Variants in ZNF544 observed in about 807,000 individuals in gnomAD.
The protein encoded by ZNF544 is zinc finger protein 544.
Under a neutral mutation model 13.5 loss-of-function variants are expected in ZNF544, and 10 were observed. The observed-to-expected ratio is 0.74, with a 90% CI of 0.46 to 1.25. The LOEUF is 1.25. Ranked by LOEUF, ZNF544 falls within the 50% of genes most tolerant of loss-of-function variation. ZNF544 has a pLI of 0.00. For missense variants in ZNF544, 896 were observed against 845.6 expected (o/e 1.06, Z -0.74); for synonymous variants, 323 against 300.5 (o/e 1.07, Z -0.77).
downstream of ZNF544, among the ~76,000 whole-genome samples, chr19:58,266,247 G>A (rs562166922): frequency 2.9e-3 from 422 of 146,534 alleles, 4 homozygotes; most frequent in African/African-American, 0.01. Context: ...GGCTGTGTGC[G>A]GTGGCTCACG....
intron 3 of ZNF544, among the ~76,000 whole-genome samples, chr19:58,234,224 A>G (rs568676027): frequency 1.4e-4 from 21 of 152,260 alleles, no homozygotes; most frequent in Non-Finnish European, 2.5e-4. Context: ...GCCTTTCTCT[A>G]TGCTCAGGTC....
At chr19:58,236,051 A>T (rs1477999674) in intron 3 of ZNF544, among the ~76,000 whole-genome samples, 2 of 147,926 alleles carry the variant, frequency 1.4e-5, no homozygotes, top group African/African-American at 5.0e-5. Context: ...CAAGAGTGAA[A>T]CTCTGTCTCA....
chr19:58,234,615 C>T (rs971041537), intron 3 of ZNF544, among the ~76,000 whole-genome samples: 4 of 152,222 alleles, frequency 2.6e-5, no homozygotes, highest in African/African-American at 4.8e-5. Context: ...TGTGTACCTG[C>T]GTGCAGCATT....
chr19:58,255,127 A>G (rs1194156687), intron 6 of ZNF544, among the ~76,000 whole-genome samples: 4 of 150,520 alleles, frequency 2.7e-5, no homozygotes, highest in African/African-American at 9.8e-5. Flanking sequence ...TGACCTCGTG[A>G]TCTACCCGCC....
At chr19:58,259,219 GGA>G (rs1309682710) in intron 6 of ZNF544, 4 of 152,218 alleles carry the variant, frequency 2.6e-5, no homozygotes, top group African/African-American at 9.6e-5. Context: ...AGTCTTTTCT[GGA>G]GAGTCTTCTA....
chr19:58,270,374 T>A (rs1226614975), intron 5 of ZNF544, among the ~76,000 whole-genome samples: 1 of 150,704 alleles, frequency 6.6e-6, no homozygotes, highest in East Asian at 2.0e-4. Flanking sequence ...CGATCTTGGC[T>A]CACTGTAACC....
chr19:58,247,796 G>A (rs1035611824), intron 6 of ZNF544, among the ~76,000 whole-genome samples: 15 of 152,090 alleles, frequency 9.9e-5, no homozygotes, highest in African/African-American at 1.4e-4. Flanking sequence ...GTAAGTTGAC[G>A]AGAAAGTGCA....
Position 58,263,082 on chromosome 19 carries a change from A to G in ZNF544, c.*328A>G. ...ATTCATACTGGAGAGAAGCCCTGTG[A>G]ATGTTAACAAATGTGGAAAAGCTTC... On this transcript the variant is annotated 3_prime_UTR_variant, in exon 7 of 7. Transcript: ENST00000687789. 9.4e-7 allele frequency: 1 copy of G among 1,065,232 alleles called. No individual in the cohort carries two copies. The allele number at this position is 1,065,232 out of a possible 1,614,324, so 66.0% of individuals were successfully genotyped here. A position where few individuals can be genotyped will look rare whatever the true frequency, so the allele number is the denominator to read the frequency against.
intron 5 of ZNF544, among the ~76,000 whole-genome samples, chr19:58,275,806 A>AAAG (rs1337518980): frequency 4.6e-5 from 6 of 131,282 alleles, no homozygotes; most frequent in African/African-American, 1.8e-4. Flanking sequence ...AAAAAAAGGA[A>AAAG]AGAGGAAATA....
chr19:58,262,423 G>C lies in ZNF544; in HGVS notation c.1817G>C (p.Cys606Ser), dbSNP rs1001510616. The C allele has an allele frequency of 6.2e-7, 1 of 1,614,224 alleles. No homozygotes were observed. The highest frequency in any genetic ancestry group is 1.1e-5 in the South Asian group (1 of 91,090). The change falls in exon 7 of 7, where the codon TGT (cysteine) becomes TCT (serine). Residue 606 changes from cysteine (C) to serine (S), a missense_variant. Physicochemically the swap from Cys to Ser is moderately radical, Grantham distance 112. Transcript: ENST00000687789. Reference sequence around the variant, plus strand: ...CACACTGGAGAAAAGCCCTATGAATGTAACGAGTGTGGAAAAGCCTTCAAT... The same window carrying C: ...CACACTGGAGAAAAGCCCTATGAATCTAACGAGTGTGGAAAAGCCTTCAAT... The part of the protein sequence containing the change: ...RTHTGEKPYE[C>S]NECGKAFNRS...
At chr19:58,273,113 G>A (rs1178771001) in intron 5 of ZNF544, among the ~76,000 whole-genome samples, 8 of 151,314 alleles carry the variant, frequency 5.3e-5, no homozygotes, top group Non-Finnish European at 1.0e-4. Context: ...CCCAGGAGGC[G>A]GAGGTTGCAG....
intron 5 of ZNF544, among the ~76,000 whole-genome samples, chr19:58,269,446 A>C (rs201167094): frequency 1.0e-5 from 1 of 99,376 alleles, no homozygotes; most frequent in African/African-American, 3.5e-5. Context: ...AAAAAAAAAC[A>C]AACAAAAAAA....
Position 58,263,475 on chromosome 19 carries a change from A to G in ZNF544, c.*721A>G. 1 of 985,348 alleles carries G rather than the reference A, an allele frequency of 1.0e-6. No individual in the cohort carries two copies. Among genetic ancestry groups the G allele is most frequent in the Non-Finnish European group, 1.2e-6 (1 of 829,922 alleles). The allele number at this position is 985,348 out of a possible 1,614,324, so 61.0% of individuals were successfully genotyped here. On this transcript the variant is annotated 3_prime_UTR_variant, in exon 7 of 7. Coordinates refer to ENST00000687789, the MANE Select transcript of ZNF544 (RefSeq NM_014480.4). ...ACACTCTAAATAAATAATAACCAAG[A>G]TGGGAAATTTCCCTGCCAGACCTTG...
At position 58,261,536 on chromosome 19, in the gene ZNF544, T is replaced by A; in HGVS notation, c.930T>A (p.Ser310Arg). 6.2e-7 allele frequency: 1 copy of A among 1,613,988 alleles called. No homozygotes were observed. Among genetic ancestry groups the A allele is most frequent in the South Asian group, 1.1e-5 (1 of 91,074 alleles). ...AGTGCAGGGAAACCTGTTCTGAGAG[T>A]CTGTGCCTTGTACAAACAGAAAGAA... ...CDECRETCSE[S>R]LCLVQTERSG... The change falls in exon 7 of 7, where the codon AGT (serine) becomes AGA (arginine). Residue 310 changes from serine (S) to arginine (R), a missense_variant. By Grantham distance (110) the Ser-to-Arg change is moderately radical. Transcript: ENST00000687789.
In ZNF544 at chr19:58,262,447, A is replaced by G. The variant is rs772872666; in HGVS notation, c.1841A>G (p.Asn614Ser). 1.9e-5 allele frequency: 30 copies of G among 1,614,102 alleles called. 2 individuals are homozygous for G. The highest frequency in any genetic ancestry group is 3.3e-4 in the Middle Eastern group (2 of 6,084). ...TGTAACGAGTGTGGAAAAGCCTTCAATCGAAGCACTCAGCTCATCAGGCAT... is the reference window on the plus strand; with the variant it reads ...TGTAACGAGTGTGGAAAAGCCTTCAGTCGAAGCACTCAGCTCATCAGGCAT... ...YECNECGKAF[N>S]RSTQLIRHLQ... The change falls in exon 7 of 7, where the codon AAT (asparagine) becomes AGT (serine). Residue 614 changes from asparagine to serine, a missense_variant. Physicochemically the swap from Asn to Ser is conservative, Grantham distance 46. Transcript: ENST00000687789.
chr19:58,268,320 TAAA>T (rs960461539), downstream of ZNF544, among the ~76,000 whole-genome samples: 1 of 151,900 alleles, frequency 6.6e-6, no homozygotes, highest in African/African-American at 2.4e-5. Flanking sequence ...TAAATAAAAA[TAAA>T]AAATAAGATA....
chr19:58,241,181 T>TATATATA (rs60251692), intron 3 of ZNF544, among the ~76,000 whole-genome samples: 4 of 51,278 alleles, frequency 7.8e-5, no homozygotes, highest in Non-Finnish European at 1.4e-4. Flanking sequence ...ATATATATAT[T>TATATATA]TTTTTTTTTT....
chr19:58,242,614 T>G (rs2044143195), intron 3 of ZNF544, among the ~76,000 whole-genome samples: 2 of 151,248 alleles, frequency 1.3e-5, no homozygotes, highest in African/African-American at 4.9e-5. Context: ...CTAGGGCTCA[T>G]GCGATCATCT....
chr19:58,264,107 A>T (rs534400556), downstream of ZNF544: 385 of 148,906 alleles, frequency 2.6e-3, 1 homozygote, highest in Non-Finnish European at 4.3e-3. Flanking sequence ...AAAAAAAAAA[A>T]TACAGGCCAG....
Sources: gnomAD v4.1 joint callset for allele counts (sites outside exome capture counted in the v4.1 genomes callset) on GRCh38, gnomAD v4.1.1 for gene constraint, MANE v1.5 for transcripts, NCBI Gene and HGNC (gene_info 2026-07-23, HGNC 2026-07-21) for gene names.